Variants in P4HA1 observed in about 807,000 individuals in gnomAD.
The protein encoded by P4HA1 is prolyl 4-hydroxylase subunit alpha 1, also known as prolyl 4-hydroxylase subunit alpha-1.
A neutral mutation model predicts 72.8 loss-of-function variants in P4HA1; 24 were observed. The observed-to-expected ratio is 0.33, with a 90% CI of 0.24 to 0.46. P4HA1 has a LOEUF of 0.46. Ranked by LOEUF, P4HA1 falls within the 20% of genes least tolerant of loss-of-function variation. The pLI is 1.00. For synonymous variants in P4HA1, 201 were observed against 218.8 expected, an observed-to-expected ratio of 0.92 and a Z score of 0.72; for missense variants, 446 against 640.6, an observed-to-expected ratio of 0.70 and a Z score of 3.28.
chr10:73,024,313 A>C (rs1282311492), intron 10 of P4HA1, among the ~76,000 whole-genome samples: 9 of 151,098 alleles, frequency 6.0e-5, no homozygotes, highest in South Asian at 4.2e-4. Flanking sequence ...CAGTGCAATC[A>C]AATTAGAACT....
intron 1 of P4HA1, among the ~76,000 whole-genome samples, chr10:73,078,713 G>A (rs1841760222): frequency 6.9e-6 from 1 of 145,166 alleles, no homozygotes; most frequent in Non-Finnish European, 1.5e-5. Flanking sequence ...CCGGGTTCAA[G>A]CGATTCTCCT....
intron 10 of P4HA1, among the ~76,000 whole-genome samples, chr10:73,024,548 A>G (rs943258486): frequency 2.6e-5 from 4 of 152,230 alleles, no homozygotes; most frequent in South Asian, 2.1e-4. Flanking sequence ...AGAAAGACCT[A>G]AAATCGACAC....
intron 10 of P4HA1, among the ~76,000 whole-genome samples, chr10:73,029,516 C>A (rs1371494167): frequency 6.7e-6 from 1 of 148,762 alleles, no homozygotes; most frequent in African/African-American, 2.5e-5. Context: ...AAATCTAATA[C>A]AGAAAAGGGA....
At chr10:73,037,556 TATATATATATA>T (rs1345175163) in intron 9 of P4HA1, among the ~76,000 whole-genome samples, 806 of 35,370 alleles carry the variant, frequency 0.023, 29 homozygotes, top group South Asian at 0.057. Flanking sequence ...TATATATATA[TATATATATATA>T]TATATTTTTT....
intron 5 of P4HA1, among the ~76,000 whole-genome samples, chr10:73,060,038 A>C (rs1442758387): frequency 6.6e-6 from 1 of 152,180 alleles, no homozygotes; most frequent in Non-Finnish European, 1.5e-5. Flanking sequence ...CAACTGTATA[A>C]CATGTTAAGG....
chr10:73,026,922 G>C (rs1840286223), intron 10 of P4HA1, among the ~76,000 whole-genome samples: 1 of 152,194 alleles, frequency 6.6e-6, no homozygotes, highest in Non-Finnish European at 1.5e-5. Flanking sequence ...CAGTTAGAAT[G>C]GCAATCATTA....
chr10:73,046,472 T>C (rs752641349), intron 8 of P4HA1, among the ~76,000 whole-genome samples: 15 of 152,156 alleles, frequency 9.9e-5, no homozygotes, highest in Non-Finnish European at 1.6e-4. Flanking sequence ...CCATTTCAAA[T>C]TAACATAATA....
intron 9 of P4HA1, among the ~76,000 whole-genome samples, chr10:73,042,835 A>C (rs1840768944): frequency 1.3e-5 from 2 of 152,174 alleles, no homozygotes; most frequent in Non-Finnish European, 2.9e-5. Context: ...AGTGAACCAC[A>C]GATGCTATTA....
In P4HA1 at chr10:73,008,221, G is replaced by A; in HGVS notation, c.*1C>T. ...ATAGGAGAAAAAGGGAAGCCTGTTT[G>A]TCATTCCAATTCTGACAACGTACAA... On this transcript the variant is annotated 3_prime_UTR_variant, in exon 15 of 15. Coordinates refer to ENST00000394890, the MANE Select transcript of P4HA1 (RefSeq NM_001017962.3). 6.3e-7 allele frequency: 1 copy of A among 1,592,364 alleles called. No homozygotes were observed. Among genetic ancestry groups the A allele is most frequent in the Non-Finnish European group, 8.6e-7 (1 of 1,160,752 alleles).
At chr10:73,071,259 C>T (rs1375063951) in intron 4 of P4HA1, 2 of 151,952 alleles carry the variant, frequency 1.3e-5, no homozygotes, top group East Asian at 1.9e-4. Flanking sequence ...ATTTCCCTCT[C>T]ACAGTAAAGA....
At chr10:73,049,257 T>C (rs1300554262) in intron 7 of P4HA1, among the ~76,000 whole-genome samples, 2 of 152,218 alleles carry the variant, frequency 1.3e-5, no homozygotes, top group African/African-American at 2.4e-5. Context: ...TTGCTGTTAG[T>C]GGTTAAGCTG....
At chr10:73,044,856 TTA>T (rs1840816465) in intron 9 of P4HA1, 123 bp downstream of exon 9, 1 of 656,936 alleles carries the variant, frequency 1.5e-6, no homozygotes, top group Non-Finnish European at 2.6e-6. Flanking sequence ...GTTATCCTGT[TTA>T]TATACAGGGT....
At chr10:73,063,558 T>C (rs1381343933) in intron 5 of P4HA1, among the ~76,000 whole-genome samples, 1 of 152,204 alleles carries the variant, frequency 6.6e-6, no homozygotes, top group African/African-American at 2.4e-5. Context: ...ATTTTGACAA[T>C]GCTATTATTT....
At chr10:73,043,480 C>T (rs1840784184) in intron 9 of P4HA1, among the ~76,000 whole-genome samples, 1 of 152,178 alleles carries the variant, frequency 6.6e-6, no homozygotes, top group Non-Finnish European at 1.5e-5. Flanking sequence ...AAGCAAGGAA[C>T]TTGCAAAGGC....
chr10:73,084,875 C>A (rs1841893895), intron 1 of P4HA1, among the ~76,000 whole-genome samples: 1 of 152,150 alleles, frequency 6.6e-6, no homozygotes, highest in Non-Finnish European at 1.5e-5. Flanking sequence ...GCTCATGCCA[C>A]CAAGGTGCAA....
rs1311576149 is a variant in P4HA1, at chr10:73,038,658, G to A, written c.1148+6323C>T. On this transcript the variant is annotated intron_variant, in intron 9 of 14. Transcript: ENST00000394890. The stretch of plus-strand genomic sequence containing the variant: ...TTTTTTTTTTTTGAGACGGAGTCTC[G>A]CTCTGTCGCCCAGGCTGGAGTGCAG... Among the ~76,000 whole-genome samples, 136 of 87,696 alleles carry A rather than the reference G, an allele frequency of 1.6e-3. 3 individuals are homozygous for A. The highest frequency in any genetic ancestry group is 1.2e-3 in the Non-Finnish European group (65 of 54,662). The allele number at this position is 87,696 out of a possible 152,430, so 57.5% of individuals were successfully genotyped here. A position where few individuals can be genotyped will look rare whatever the true frequency, so the allele number is the denominator to read the frequency against.
At chr10:73,074,677 C>A in intron 2 of P4HA1, 131 bp downstream of exon 2, 1 of 591,044 alleles carries the variant, frequency 1.7e-6, no homozygotes, top group Non-Finnish European at 3.0e-6. Context: ...TAAAAAAGGA[C>A]CTTTTAGGGG....
chr10:73,037,561 A>ATTT (rs1840620509), intron 9 of P4HA1, among the ~76,000 whole-genome samples: 1 of 33,418 alleles, frequency 3.0e-5, no homozygotes, highest in African/African-American at 1.3e-4. Context: ...ATATATATAT[A>ATTT]TATATATATA....
At chr10:73,084,178 TAA>T (rs1841878770) in intron 1 of P4HA1, among the ~76,000 whole-genome samples, 1 of 152,232 alleles carries the variant, frequency 6.6e-6, no homozygotes, top group Non-Finnish European at 1.5e-5. Flanking sequence ...AGGATACAAG[TAA>T]AAAGTTTAAA....
Sources: allele counts gnomAD v4.1 joint callset (sites outside exome capture counted in the v4.1 genomes callset), GRCh38; gene constraint gnomAD v4.1.1; transcripts MANE v1.5; gene names NCBI Gene and HGNC (gene_info 2026-07-23, HGNC 2026-07-21).